Variants in NCAM1 observed in about 807,000 individuals in gnomAD.
The protein encoded by NCAM1 is neural cell adhesion molecule 1, also known as antigen recognized by monoclonal antibody 5.1H11.
Under a neutral mutation model 109.8 loss-of-function variants are expected in NCAM1, and 14 were observed. That is an observed-to-expected ratio of 0.13 (90% CI 0.08 to 0.20). The LOEUF is 0.20. Among genes scored for constraint, NCAM1 ranks in the 10% least tolerant of loss-of-function variants. The pLI is 1.00. For missense variants in NCAM1, 774 were observed against 1,109.9 expected, an observed-to-expected ratio of 0.70 and a Z score of 4.30; for synonymous variants, 418 against 442.9, an observed-to-expected ratio of 0.94 and a Z score of 0.70.
chr11:112,988,923 T>A (rs1269201719), intron 1 of NCAM1, among the ~76,000 whole-genome samples: 2 of 152,066 alleles, frequency 1.3e-5, no homozygotes, highest in African/African-American at 4.8e-5. Context: ...AATTTTTATA[T>A]TTTTAGTAGA....
rs1555117443 is a variant in NCAM1, at chr11:113,232,370, G to T, written c.1425+16G>T. 1.3e-6 allele frequency: 2 copies of T among 1,595,906 alleles called. No individual in the cohort carries two copies. The highest frequency in any genetic ancestry group is 1.7e-6 in the Non-Finnish European group (2 of 1,171,078). ...CTATCTGGAGGTGAGTCAGGATGGG[G>T]GTGGGACAGAGCAGAGAAAGCACAG... On this transcript the variant is annotated intron_variant, in intron 11 of 19. Transcript: ENST00000316851.
chr11:113,121,820 A>C (rs1940974126), intron 1 of NCAM1, among the ~76,000 whole-genome samples: 1 of 152,166 alleles, frequency 6.6e-6, no homozygotes, highest in Non-Finnish European at 1.5e-5. Context: ...ATGTGGACCT[A>C]TTTACTGTGT....
At chr11:113,229,931 TGTG>T (rs1555116884) in intron 9 of NCAM1, among the ~76,000 whole-genome samples, 1 of 151,064 alleles carries the variant, frequency 6.6e-6, no homozygotes, top group Admixed American at 6.6e-5. Context: ...TGGGGCCTGT[TGTG>T]GGGTGGGGGG....
At chr11:112,991,496 A>G (rs782601526) in intron 1 of NCAM1, among the ~76,000 whole-genome samples, 4 of 129,562 alleles carry the variant, frequency 3.1e-5, no homozygotes, top group African/African-American at 5.5e-5. Context: ...TCTCTAGTGC[A>G]TGGCCTGAAA....
intron 16 of NCAM1, among the ~76,000 whole-genome samples, chr11:113,257,308 A>T (rs1555122513): frequency 6.6e-6 from 1 of 152,362 alleles, no homozygotes; most frequent in East Asian, 1.9e-4. Context: ...TTAGAGCCAG[A>T]CAGACATGGC....
At position 112,963,494 on chromosome 11, in the gene NCAM1, C is replaced by G. The variant is rs542243175; in HGVS notation, c.52+1830C>G. ...GACCGCGGGCCGGGGGCTCTACTGA[C>G]GGCGGGGCGGGGCCGTGGCAGGGCC... On this transcript the variant is annotated intron_variant, in intron 1 of 19. Coordinates refer to ENST00000316851, the MANE Select transcript of NCAM1 (RefSeq NM_181351.5). This position sits in a 1 kb window ranked among gnomAD's most constrained non-coding sequence, Gnocchi z 4.6. 1,307 of 152,268 alleles carry G rather than the reference C, an allele frequency of 8.6e-3. 9 individuals carry two copies. The highest frequency in any genetic ancestry group is 0.016 in the South Asian group (78 of 4,824). The allele number at this position is 152,268 out of a possible 1,614,324, so 9.4% of individuals were successfully genotyped here.
At chr11:113,177,471 G>A (rs562565714) in intron 1 of NCAM1, among the ~76,000 whole-genome samples, 1 of 152,140 alleles carries the variant, frequency 6.6e-6, no homozygotes, top group African/African-American at 2.4e-5. Context: ...GTCTCGCTCT[G>A]TCATCAGGCT....
At chr11:113,234,508 T>G (rs1349626949) in intron 13 of NCAM1, among the ~76,000 whole-genome samples, 1 of 152,214 alleles carries the variant, frequency 6.6e-6, no homozygotes, top group Non-Finnish European at 1.5e-5. Flanking sequence ...TAGTTGGCTA[T>G]TCTAAGTACC....
chr11:113,276,072 T>TTTTC lies in NCAM1; in HGVS notation c.*699_*702dup, dbSNP rs782192206. ...TTCTTTTTCTTTCTTTTACATTCTTTTTTCTTTCTTTCTTTCTGCCAACTT... is the reference window on the plus strand; with the variant it reads ...TTCTTTTTCTTTCTTTTACATTCTTTTTTCTTTCTTTCTTTCTTTCTGCCAACTT... On this transcript the variant is annotated 3_prime_UTR_variant, in exon 20 of 20. Transcript: ENST00000316851. 2 of 152,596 alleles carry TTTTC rather than the reference T, an allele frequency of 1.3e-5. No homozygotes were observed. The highest frequency in any genetic ancestry group is 6.5e-5 in the Admixed American group (1 of 15,274). 9.5% of individuals were successfully genotyped at this position (152,596 alleles called of 1,614,324 possible).
intron 1 of NCAM1, among the ~76,000 whole-genome samples, chr11:113,157,201 G>A (rs973635289): frequency 6.6e-6 from 1 of 151,682 alleles, no homozygotes; most frequent in African/African-American, 2.4e-5. Context: ...TTAAAAAGCT[G>A]AGGCACACAG....
At chr11:113,028,294 A>G (rs1952616191) in intron 1 of NCAM1, among the ~76,000 whole-genome samples, 1 of 152,188 alleles carries the variant, frequency 6.6e-6, no homozygotes, top group Non-Finnish European at 1.5e-5. Context: ...ACTGTACCCC[A>G]TAAGCATGAA....
chr11:113,124,008 G>A (rs1393182503), intron 1 of NCAM1, among the ~76,000 whole-genome samples: 1 of 152,310 alleles, frequency 6.6e-6, no homozygotes, highest in Middle Eastern at 3.4e-3. Context: ...TGACCCTGCA[G>A]TCATCCAGCT....
At chr11:113,110,102 C>A (rs1940379343) in intron 1 of NCAM1, among the ~76,000 whole-genome samples, 1 of 151,934 alleles carries the variant, frequency 6.6e-6, no homozygotes, top group African/African-American at 2.4e-5. Flanking sequence ...TATATTTGGC[C>A]AAAGATGGCA....
intron 8 of NCAM1, 96 bp from the exon 9 acceptor site, chr11:113,221,200 G>C: frequency 2.4e-6 from 3 of 1,224,572 alleles, no homozygotes; most frequent in Non-Finnish European, 2.3e-6. Context: ...AAGAAAAGCT[G>C]CATGTGCACG....
At chr11:113,242,728 AT>A in intron 14 of NCAM1, 7 of 1,213,846 alleles carry the variant, frequency 5.8e-6, no homozygotes. Context: ...ATGTATACAT[AT>A]ATAGCTATGA....
At chr11:113,008,558 C>T (rs1565379010) in intron 1 of NCAM1, among the ~76,000 whole-genome samples, 2 of 152,146 alleles carry the variant, frequency 1.3e-5, no homozygotes, top group African/African-American at 4.8e-5. Context: ...TGGTTTTAAG[C>T]CAGTTAATAT....
At chr11:112,980,416 A>C (rs566528761) in intron 1 of NCAM1, among the ~76,000 whole-genome samples, 1 of 151,952 alleles carries the variant, frequency 6.6e-6, no homozygotes, top group Admixed American at 6.6e-5. Flanking sequence ...AAAATGGAAA[A>C]AACCTAAATT....
intron 14 of NCAM1, among the ~76,000 whole-genome samples, chr11:113,236,760 T>C (rs1555118384): frequency 1.3e-5 from 2 of 152,078 alleles, no homozygotes. Context: ...CCTGAAAGGA[T>C]TTTCATATTT....
chr11:113,148,127 T>G (rs76406876), intron 1 of NCAM1, among the ~76,000 whole-genome samples: 12,450 of 152,206 alleles, frequency 0.082, 646 homozygotes, highest in Non-Finnish European at 0.11. Flanking sequence ...CTTAATGGAA[T>G]CTGAGGAGAA....
Sources: gnomAD v4.1 joint callset for allele counts (sites outside exome capture counted in the v4.1 genomes callset) on GRCh38, gnomAD v4.1.1 for gene constraint, Gnocchi (gnomAD v3.1) non-coding constraint, MANE v1.5 for transcripts, NCBI Gene and HGNC (gene_info 2026-07-23, HGNC 2026-07-21) for gene names.